Variants in KRT6A observed in about 807,000 individuals in gnomAD.
The protein encoded by KRT6A is keratin 6A, also known as keratin, type II cytoskeletal 6A.
KRT6A carries 28 observed loss-of-function variants against 48.6 expected under a neutral mutation model. The ratio of observed to expected loss-of-function variants is 0.58; its 90% CI spans 0.43 to 0.79. The LOEUF (loss-of-function observed/expected upper bound fraction) is 0.79. Among genes scored for constraint, KRT6A ranks in the 30% least tolerant of loss-of-function variants. The pLI is 0.00. For missense variants in KRT6A, 687 were observed against 724.3 expected, an observed-to-expected ratio of 0.95 and a Z score of 0.59; for synonymous variants, 301 against 294.2, an observed-to-expected ratio of 1.02 and a Z score of -0.24.
At position 52,487,457 on chromosome 12, in the gene KRT6A, G is replaced by A; in HGVS notation, c.*263C>T. 1.8e-6 allele frequency: 1 copy of A among 546,466 alleles called. No individual in the cohort carries two copies. The highest frequency in any genetic ancestry group is 3.2e-6 in the Non-Finnish European group (1 of 309,052). 33.9% of individuals were successfully genotyped at this position (546,466 alleles called of 1,614,324 possible). On this transcript the variant is annotated 3_prime_UTR_variant, in exon 9 of 9. Coordinates refer to ENST00000330722, the MANE Select transcript of KRT6A (RefSeq NM_005554.4). ...CTCAGAGATAGAACACTGGAGGCAA[G>A]AAATTAATAATTTAGTAACAGTGAA...
chr12:52,491,553 T>A lies in KRT6A; in HGVS notation c.724A>T (p.Met242Leu). The A allele has an allele frequency of 1.9e-6, 3 of 1,614,224 alleles. No individual in the cohort carries two copies. Among genetic ancestry groups the A allele is most frequent in the Non-Finnish European group, 2.5e-6 (3 of 1,180,044 alleles). Residue 242 changes from methionine to leucine, a missense_variant, in exon 2 of 9, where the codon ATG (methionine) becomes TTG (leucine). Transcript: ENST00000330722. ...TTGAAGTCCTCCACCAGGTCCTGCA[T>A]GCCTCTGAGCTCTGAGTCCAGGCGG... ...RGRLDSELRG[M>L]QDLVEDFKNK...
chr12:52,490,985 T>C (rs778274974), intron 3 of KRT6A, 32 bp from the exon 4 acceptor site: 9 of 1,613,694 alleles, frequency 5.6e-6, no homozygotes, highest in South Asian at 1.1e-5. Context: ...TGGAGTTACC[T>C]GAGCTCACCT....
At position 52,493,156 on chromosome 12, in the gene KRT6A, G is replaced by A; in HGVS notation, c.33C>T (p.His11=). Residue 11 remains histidine (H), a synonymous_variant, in exon 1 of 9, where the codon CAC becomes CAT. Transcript: ENST00000330722. The part of the protein sequence containing the change: MASTSTTIRS[H]SSSRRGFSAN... ...CACTGAAACCCCGGCGGCTGCTGCTGTGGCTCCTGATGGTGGTGGATGTGC... is the reference window on the plus strand; with the variant it reads ...CACTGAAACCCCGGCGGCTGCTGCTATGGCTCCTGATGGTGGTGGATGTGC... 3 of 1,614,190 alleles carry A rather than the reference G, an allele frequency of 1.9e-6. No individual in the cohort carries two copies. Among genetic ancestry groups the A allele is most frequent in the African/African-American group, 1.3e-5 (1 of 75,074 alleles).
At chr12:52,491,258 T>G in intron 2 of KRT6A, 86 bp from the exon 3 acceptor site, 1 of 1,608,992 alleles carries the variant, frequency 6.2e-7, no homozygotes, top group Admixed American at 1.7e-5. Flanking sequence ...TTTTCCCGAA[T>G]GGAATATATT....
In KRT6A at chr12:52,488,065, T is replaced by C. The variant is rs375967909; in HGVS notation, c.1459+4A>G. Reference sequence around the variant, plus strand: ...AGGGGAGGAAGGCAAGCAAAGGTACTTACAGATGTTGACTTGTCCAACGCC... The same window carrying C: ...AGGGGAGGAAGGCAAGCAAAGGTACCTACAGATGTTGACTTGTCCAACGCC... On this transcript the variant is annotated splice_donor_region_variant and intron_variant, in intron 8 of 8. Coordinates refer to ENST00000330722, the MANE Select transcript of KRT6A (RefSeq NM_005554.4). 1.2e-6 allele frequency: 2 copies of C among 1,614,046 alleles called. No homozygotes were observed. Among genetic ancestry groups the C allele is most frequent in the East Asian group, 2.2e-5 (1 of 44,874 alleles).
At chr12:52,489,828 G>A (rs1938225183) in intron 6 of KRT6A, 115 bp downstream of exon 6, 1 of 1,550,026 alleles carries the variant, frequency 6.5e-7, no homozygotes, top group Admixed American at 1.9e-5. Flanking sequence ...GGAAATGATA[G>A]CCTCCTCTCC....
At position 52,488,435 on chromosome 12, in the gene KRT6A, CT is replaced by C. The variant is rs1469944063; in HGVS notation, c.1316del (p.Gln439ArgfsTer7). ...GLEDALQKAK[Q>X]DLARLLKEYQ... ...ACTCCTTCAGCAGCCGGGCCAGGTC[CT>C]GCTTGGCCTTCTGCAGGGCATCCTC... On this transcript the variant is annotated frameshift_variant, in exon 7 of 9. Transcript: ENST00000330722. LOFTEE classifies it high-confidence loss of function. 1.2e-6 allele frequency: 2 copies of C among 1,614,080 alleles called. No homozygotes were observed. The highest frequency in any genetic ancestry group is 2.7e-5 in the African/African-American group (2 of 74,926).
Position 52,491,595 on chromosome 12 carries a change from T to C in KRT6A, c.682A>G (p.Ile228Val), listed in dbSNP as rs576668881. The stretch of plus-strand genomic sequence containing the variant: ...TCCAGGCGGCCCCGTTCCCCGACAA[T>C]GCTGTCCAGCTGCCTCCTGAGGTTG... ...INNLRRQLDS[I>V]VGERGRLDSE... The change falls in exon 2 of 9, where the codon ATT becomes GTT. Residue 228 changes from isoleucine to valine, a missense_variant. Coordinates refer to ENST00000330722, the MANE Select transcript of KRT6A (RefSeq NM_005554.4). 3.7e-6 allele frequency: 6 copies of C among 1,614,140 alleles called. No individual in the cohort carries two copies. In the South Asian group the frequency reaches 6.6e-5, roughly 18 times the overall value.
chr12:52,490,062 C>T lies in KRT6A; in HGVS notation c.1084G>A (p.Glu362Lys), dbSNP rs747166487. ...TGTCTGCCTGCTGTGACCTGCAGCT[C>T]CTCGTACTGCAGCCCAGAGGTGGAG... is the stretch of plus-strand genomic sequence containing the variant. ...AESWYQTKYE[E>K]LQVTAGRHGD... Residue 362 changes from glutamate (E) to lysine (K), a missense_variant, in exon 6 of 9, where the codon GAG becomes AAG. This residue lies in a region of KRT6A where 566 missense variants were observed against 565.3 expected (regional missense o/e 1.00). Transcript: ENST00000330722. 1.2e-6 allele frequency: 2 copies of T among 1,614,008 alleles called. No individual in the cohort carries two copies. Among genetic ancestry groups the T allele is most frequent in the Non-Finnish European group, 1.7e-6 (2 of 1,180,000 alleles).
intron 6 of KRT6A, 133 bp from the exon 7 acceptor site, chr12:52,488,681 A>ATT: frequency 2.6e-6 from 3 of 1,158,928 alleles, no homozygotes; most frequent in South Asian, 1.4e-5. Flanking sequence ...CTTCCTATCT[A>ATT]TTGTTTTTTT....
chr12:52,487,664 C>T lies in KRT6A; in HGVS notation c.*56G>A. The T allele has an allele frequency of 6.2e-7, 1 of 1,611,780 alleles. No individual in the cohort carries two copies. The highest frequency in any genetic ancestry group is 8.5e-7 in the Non-Finnish European group (1 of 1,178,338). On this transcript the variant is annotated 3_prime_UTR_variant, in exon 9 of 9. Coordinates refer to ENST00000330722, the MANE Select transcript of KRT6A (RefSeq NM_005554.4). ...GAGGAAAGGCAACCTGAGGAGAGGGCTCTGCAGCCAGAGAGGGGCCTGAGG... is the reference window on the plus strand; with the variant it reads ...GAGGAAAGGCAACCTGAGGAGAGGGTTCTGCAGCCAGAGAGGGGCCTGAGG...
rs1340321383 is a variant in KRT6A, at chr12:52,487,255, C to G, written c.*465G>C. ...TCATCACAGAGATACAGGCTTTGTACATCATAGGACTAGTCACTTGTGCTT... is the reference window on the plus strand; with the variant it reads ...TCATCACAGAGATACAGGCTTTGTAGATCATAGGACTAGTCACTTGTGCTT... On this transcript the variant is annotated 3_prime_UTR_variant, in exon 9 of 9. Transcript: ENST00000330722. 1 of 194,940 alleles carries G rather than the reference C, an allele frequency of 5.1e-6. No individual in the cohort carries two copies. The highest frequency in any genetic ancestry group is 1.1e-5 in the Non-Finnish European group (1 of 93,594). 12.1% of individuals were successfully genotyped at this position (194,940 alleles called of 1,614,324 possible). A position where few individuals can be genotyped will look rare whatever the true frequency, so the allele number is the denominator to read the frequency against.
At chr12:52,489,403 T>G (rs867200983) in intron 6 of KRT6A, among the ~76,000 whole-genome samples, 2 of 152,098 alleles carry the variant, frequency 1.3e-5, no homozygotes, top group African/African-American at 4.8e-5. Flanking sequence ...TTCAGTCTCC[T>G]GAGTAGCTGG....
chr12:52,491,518 T>C lies in KRT6A; in HGVS notation c.755+4A>G. 3.7e-6 allele frequency: 6 copies of C among 1,614,144 alleles called. No individual in the cohort carries two copies. The highest frequency in any genetic ancestry group is 5.1e-6 in the Non-Finnish European group (6 of 1,179,992). On this transcript the variant is annotated splice_donor_region_variant and intron_variant, in intron 2 of 8. Coordinates refer to ENST00000330722, the MANE Select transcript of KRT6A (RefSeq NM_005554.4). ...ACTGAGTCCATTTCTCCTGTTTAAC[T>C]CACTTGTTCTTGAAGTCCTCCACCA...
chr12:52,491,813 G>T, intron 1 of KRT6A, 77 bp from the exon 2 acceptor site: 1 of 1,572,484 alleles, frequency 6.4e-7, no homozygotes, highest in Middle Eastern at 1.7e-4. Flanking sequence ...TTCCTGGCAG[G>T]TCCGGGAGGT....
intron 2 of KRT6A, 81 bp from the exon 3 acceptor site, chr12:52,491,253 C>T: frequency 6.2e-7 from 1 of 1,609,438 alleles, no homozygotes; most frequent in East Asian, 2.2e-5. Context: ...CAACATTTTC[C>T]CGAATGGAAT....
chr12:52,487,765 C>T lies in KRT6A; in HGVS notation c.1650G>A (p.Lys550=), dbSNP rs577005792. The part of the protein sequence containing the change: ...SSVGGGSSTI[K]YTTTSSSSRK... Reference sequence around the variant, plus strand: ...TGCTGGAGGAGGAGGTGGTGGTGTACTTGATGGTGGAACTGCCGCCTCCAA... The same window carrying T: ...TGCTGGAGGAGGAGGTGGTGGTGTATTTGATGGTGGAACTGCCGCCTCCAA... The change falls in exon 9 of 9, where the codon AAG becomes AAA. Residue 550 remains lysine, a synonymous_variant. Transcript: ENST00000330722. The T allele has an allele frequency of 6.2e-6, 10 of 1,614,102 alleles. No individual in the cohort carries two copies. The South Asian group carries it at 9.9e-5, about 16-fold the overall frequency.
In KRT6A at chr12:52,488,117, C is replaced by G. The variant is rs764760856; in HGVS notation, c.1425-14G>C. ...TCGCCATTCAGCCTGTGGAGAGGAA[C>G]ACAGGGAGGGTGAGACCTCAGAGAG... On this transcript the variant is annotated splice_polypyrimidine_tract_variant and intron_variant, in intron 7 of 8. Transcript: ENST00000330722. 1 of 1,613,874 alleles carries G rather than the reference C, an allele frequency of 6.2e-7. No individual in the cohort carries two copies. The highest frequency in any genetic ancestry group is 1.7e-5 in the Admixed American group (1 of 60,002).
At chr12:52,489,025 TC>T (rs1265940068) in intron 6 of KRT6A, among the ~76,000 whole-genome samples, 1 of 152,228 alleles carries the variant, frequency 6.6e-6, no homozygotes, top group African/African-American at 2.4e-5. Flanking sequence ...CCTTTGCCCT[TC>T]CTCTACTCTC....
Sources: gnomAD v4.1 joint callset for allele counts (sites outside exome capture counted in the v4.1 genomes callset) on GRCh38, gnomAD v4.1.1 for gene constraint, gnomAD v4.1.1 regional missense constraint, MANE v1.5 for transcripts, NCBI Gene and HGNC (gene_info 2026-07-23, HGNC 2026-07-21) for gene names.